PCDH9: variants seen among roughly 807,000 people sequenced by gnomAD.
PCDH9 encodes protocadherin-9.
A neutral mutation model predicts 70.6 loss-of-function variants in PCDH9; 24 were observed. The observed-to-expected ratio is 0.34, with a 90% CI of 0.25 to 0.48. The LOEUF (loss-of-function observed/expected upper bound fraction) is 0.48. Ranked by LOEUF, PCDH9 falls within the 20% of genes least tolerant of loss-of-function variation. PCDH9 has a pLI of 0.99. For missense variants in PCDH9, 1,281 were observed against 1,503.6 expected, an observed-to-expected ratio of 0.85 and a Z score of 2.45; for synonymous variants, 562 against 558.5, an observed-to-expected ratio of 1.01 and a Z score of -0.09.
At chr13:67,030,512 T>C (rs1594414917) in intron 2 of PCDH9, among the ~76,000 whole-genome samples, 1 of 141,088 alleles carries the variant, frequency 7.1e-6, no homozygotes, top group East Asian at 2.3e-4. Context: ...CACACACACC[T>C]TTCCCAGCCC....
At chr13:67,167,777 C>T (rs1566469811) in intron 2 of PCDH9, among the ~76,000 whole-genome samples, 1 of 152,130 alleles carries the variant, frequency 6.6e-6, no homozygotes, top group Non-Finnish European at 1.5e-5. Flanking sequence ...CACCGTGGAA[C>T]TAATTATTGT....
chr13:66,565,459 T>C (rs976083960), intron 4 of PCDH9, among the ~76,000 whole-genome samples: 1 of 152,190 alleles, frequency 6.6e-6, no homozygotes, highest in Non-Finnish European at 1.5e-5. Context: ...ATGAACTTCC[T>C]CAGTAGTGGG....
intron 4 of PCDH9, among the ~76,000 whole-genome samples, chr13:66,505,912 G>GC (rs1959207592): frequency 6.6e-6 from 1 of 152,106 alleles, no homozygotes; most frequent in Non-Finnish European, 1.5e-5. Flanking sequence ...CTCCCAAGTA[G>GC]CTGGGACTAC....
At chr13:66,538,775 C>T (rs1282471518) in intron 4 of PCDH9, among the ~76,000 whole-genome samples, 1 of 151,932 alleles carries the variant, frequency 6.6e-6, no homozygotes, top group Non-Finnish European at 1.5e-5. Context: ...TTGGCCTAGC[C>T]AATTGACACA....
At chr13:66,379,402 T>C (rs1956802945) in intron 4 of PCDH9, among the ~76,000 whole-genome samples, 1 of 152,244 alleles carries the variant, frequency 6.6e-6, no homozygotes, top group African/African-American at 2.4e-5. Context: ...TTAAGTATTA[T>C]ATATTTTTAT....
chr13:66,352,206 C>CA (rs772567848), intron 4 of PCDH9, among the ~76,000 whole-genome samples: 2 of 152,152 alleles, frequency 1.3e-5, no homozygotes, highest in Non-Finnish European at 2.9e-5. Flanking sequence ...GAAACAGTCT[C>CA]AAAAAAGCTT....
chr13:66,744,465 C>T (rs1311509961), intron 3 of PCDH9, among the ~76,000 whole-genome samples: 4 of 152,166 alleles, frequency 2.6e-5, no homozygotes, highest in Non-Finnish European at 5.9e-5. Flanking sequence ...GAAAGGTACA[C>T]GACCAATCTC....
chr13:66,814,825 A>G (rs2080572290), intron 3 of PCDH9, among the ~76,000 whole-genome samples: 2 of 152,198 alleles, frequency 1.3e-5, no homozygotes, highest in Non-Finnish European at 2.9e-5. Context: ...AATCTAGGAA[A>G]TACCATTCTG....
At chr13:66,857,933 G>T (rs189078088) in intron 3 of PCDH9, among the ~76,000 whole-genome samples, 376 of 152,082 alleles carry the variant, frequency 2.5e-3, no homozygotes, top group Non-Finnish European at 3.9e-3. Flanking sequence ...CAAAAAACAC[G>T]CCCTCAATCA....
At chr13:67,019,248 C>T (rs1213741873) in intron 2 of PCDH9, among the ~76,000 whole-genome samples, 4 of 129,170 alleles carry the variant, frequency 3.1e-5, no homozygotes, top group Non-Finnish European at 6.2e-5. Context: ...GGCTGGAGTG[C>T]AGTGGTAGGA....
chr13:67,229,330 C>T (rs1005035300), intron 1 of PCDH9, among the ~76,000 whole-genome samples: 1 of 152,006 alleles, frequency 6.6e-6, no homozygotes, highest in Non-Finnish European at 1.5e-5. Flanking sequence ...AAGAGAGTGC[C>T]GAGATATAAG....
chr13:66,974,257 GC>G (rs1418716957), intron 2 of PCDH9, among the ~76,000 whole-genome samples: 1 of 151,950 alleles, frequency 6.6e-6, no homozygotes, highest in Non-Finnish European at 1.5e-5. Context: ...CAGGGAGTGT[GC>G]CCCCAACTTT....
intron 3 of PCDH9, among the ~76,000 whole-genome samples, chr13:66,772,822 C>T (rs1481538874): frequency 2.0e-5 from 3 of 151,722 alleles, no homozygotes; most frequent in South Asian, 2.1e-4. Flanking sequence ...TGTCACTGGG[C>T]TATCAATATT....
At chr13:67,056,430 C>A (rs563035797) in intron 2 of PCDH9, among the ~76,000 whole-genome samples, 11 of 152,126 alleles carry the variant, frequency 7.2e-5, no homozygotes, top group African/African-American at 2.4e-4. Context: ...TTATATTCCC[C>A]CAAAGAGAGG....
At chr13:67,139,156 A>G (rs1359655264) in intron 2 of PCDH9, among the ~76,000 whole-genome samples, 4 of 152,234 alleles carry the variant, frequency 2.6e-5, no homozygotes, top group African/African-American at 9.6e-5. Flanking sequence ...GAATTCTGTC[A>G]AATCACCCAA....
intron 2 of PCDH9, among the ~76,000 whole-genome samples, chr13:67,155,020 C>T (rs1344101518): frequency 6.6e-6 from 1 of 152,094 alleles, no homozygotes; most frequent in Non-Finnish European, 1.5e-5. Flanking sequence ...TACCTAATTT[C>T]ATCACATTCT....
intron 4 of PCDH9, among the ~76,000 whole-genome samples, chr13:66,486,272 T>A (rs2138520843): frequency 6.9e-6 from 1 of 145,898 alleles, no homozygotes; most frequent in Middle Eastern, 3.6e-3. Context: ...TGAGACTCCA[T>A]CTCTACAAAA....
intron 4 of PCDH9, among the ~76,000 whole-genome samples, chr13:66,321,465 A>G (rs550496981): frequency 6.6e-6 from 1 of 151,914 alleles, no homozygotes; most frequent in Non-Finnish European, 1.5e-5. Flanking sequence ...GCAGATTTGA[A>G]CTGATATAAA....
chr13:67,217,283 A>AC (rs367958657), intron 2 of PCDH9: 1 of 151,032 alleles, frequency 6.6e-6, no homozygotes, highest in Non-Finnish European at 1.5e-5. Flanking sequence ...AAAAAAAAAA[A>AC]CCTAATTCAC....
Sources: allele counts gnomAD v4.1 joint callset (sites outside exome capture counted in the v4.1 genomes callset), GRCh38; gene constraint gnomAD v4.1.1; transcripts MANE v1.5; gene names NCBI Gene and HGNC (gene_info 2026-07-23, HGNC 2026-07-21).